Variants in TPO observed in about 807,000 individuals in gnomAD.
The protein encoded by TPO is thyroid peroxidase, also known as thyroid microsomal antigen.
A neutral mutation model predicts 96.9 loss-of-function variants in TPO; 78 were observed. The ratio of observed to expected loss-of-function variants is 0.81; its 90% CI spans 0.67 to 0.97. The LOEUF (loss-of-function observed/expected upper bound fraction) is 0.97. TPO is among the 50% of genes least tolerant of loss of function. TPO has a pLI of 0.00. For synonymous variants in TPO, 547 were observed against 538.0 expected (o/e 1.02, Z -0.23); for missense variants, 1,252 against 1,274.8 (o/e 0.98, Z 0.27).
At position 1,484,867 on chromosome 2, in the gene TPO, G is replaced by A. The variant is rs774356981; in HGVS notation, c.1597+13G>A. 29 of 1,613,174 alleles carry A rather than the reference G, an allele frequency of 1.8e-5. No homozygotes were observed. The highest frequency in any genetic ancestry group is 6.7e-5 in the East Asian group (3 of 44,892). On this transcript the variant is annotated intron_variant, in intron 9 of 16. Transcript: ENST00000329066. ...TTACTCCGTGGAGGTGAGTGAGTGC[G>A]GTCCCTGCAGCTGGTCCCCATGAAC... is the stretch of plus-strand genomic sequence containing the variant.
intron 15 of TPO, 75 bp from the exon 16 acceptor site, chr2:1,540,506 GCCTTGCCGTCGCT>G: frequency 1.2e-6 from 2 of 1,600,036 alleles, no homozygotes; most frequent in South Asian, 2.2e-5. Flanking sequence ...AAGCACGGCT[GCCTTGCCGTCGCT>G]CGTGCCGTGC....
intron 5 of TPO, 30 bp downstream of exon 5, chr2:1,436,414 C>T (rs1278645740): frequency 1.7e-5 from 27 of 1,613,912 alleles, no homozygotes; most frequent in Non-Finnish European, 1.9e-5. Flanking sequence ...TTAATCTTCT[C>T]GTGAAAGTTG....
At chr2:1,509,820 G>T (rs62107987) in intron 14 of TPO, among the ~76,000 whole-genome samples, 4,300 of 148,380 alleles carry the variant, frequency 0.029, 212 homozygotes, top group African/African-American at 0.1. Context: ...TTCAGGAACA[G>T]GACACCCTCT....
chr2:1,431,792 C>A (rs1187803509), intron 3 of TPO, among the ~76,000 whole-genome samples: 1 of 152,220 alleles, frequency 6.6e-6, no homozygotes, highest in African/African-American at 2.4e-5. Flanking sequence ...AAAATATAAA[C>A]AATGCATTTA....
chr2:1,387,137 C>G (rs1319498029), intron 1 of TPO, among the ~76,000 whole-genome samples: 3 of 152,126 alleles, frequency 2.0e-5, no homozygotes, highest in Non-Finnish European at 2.9e-5. Flanking sequence ...CTCTGGCTGC[C>G]CTTAACATTT....
intron 5 of TPO, among the ~76,000 whole-genome samples, chr2:1,450,769 CA>C (rs1326703079): frequency 2.0e-5 from 3 of 152,180 alleles, no homozygotes; most frequent in Non-Finnish European, 4.4e-5. Flanking sequence ...ACTGCTTAAG[CA>C]GTTAAATTAA....
At chr2:1,491,596 A>G (rs1012789331) in intron 10 of TPO, among the ~76,000 whole-genome samples, 1 of 152,228 alleles carries the variant, frequency 6.6e-6, no homozygotes, top group Non-Finnish European at 1.5e-5. Flanking sequence ...AAATAACTGC[A>G]TTCTTTTAGT....
intron 11 of TPO, among the ~76,000 whole-genome samples, chr2:1,494,965 A>AT (rs28991281): frequency 0.011 from 1,737 of 152,264 alleles, 31 homozygotes; most frequent in Admixed American, 0.048. Context: ...TGTCTCCCTT[A>AT]TAGCTGTGTC....
chr2:1,510,866 T>C (rs898710007), intron 14 of TPO, among the ~76,000 whole-genome samples: 1 of 152,148 alleles, frequency 6.6e-6, no homozygotes, highest in Admixed American at 6.5e-5. Context: ...AGTTTAGATA[T>C]AGGCACAGAT....
intron 15 of TPO, among the ~76,000 whole-genome samples, chr2:1,534,952 G>A (rs72629187): frequency 7.6e-4 from 3 of 3,932 alleles, no homozygotes; most frequent in Admixed American, 3.3e-3. Flanking sequence ...CAAATCCTCC[G>A]CCACTGTGAG....
At chr2:1,375,298 T>C (rs1661705860) in intron 1 of TPO, among the ~76,000 whole-genome samples, 1 of 152,040 alleles carries the variant, frequency 6.6e-6, no homozygotes. Flanking sequence ...AAAGGGAGGA[T>C]TTATTTTGGT....
chr2:1,454,285 T>G (rs554979630), intron 6 of TPO, among the ~76,000 whole-genome samples: 2 of 152,316 alleles, frequency 1.3e-5, no homozygotes, highest in Non-Finnish European at 2.9e-5. Context: ...TCATTTTGCC[T>G]GTAATTTAAC....
At chr2:1,522,262 TCA>T (rs936475589) in intron 15 of TPO, among the ~76,000 whole-genome samples, 2 of 72,276 alleles carry the variant, frequency 2.8e-5, no homozygotes, top group East Asian at 3.8e-4. Context: ...CACCGTGCCC[TCA>T]CAGTCTCTCT....
At chr2:1,525,779 G>A (rs116589420) in intron 15 of TPO, among the ~76,000 whole-genome samples, 1,753 of 121,202 alleles carry the variant, frequency 0.014, 47 homozygotes, top group African/African-American at 0.054. Context: ...ACTAAATCCC[G>A]CCACTGTGTG....
chr2:1,514,482 G>A (rs11888851), intron 14 of TPO, among the ~76,000 whole-genome samples: 8 of 152,044 alleles, frequency 5.3e-5, no homozygotes, highest in Admixed American at 1.3e-4. Flanking sequence ...ACCCGATGCC[G>A]TTTCTTTCCA....
In TPO at chr2:1,491,654, C is replaced by T. The variant is rs1194898597; in HGVS notation, c.1769-2148C>T. ...TGTGTCCCCCAAGCCCTGTGGCAAG[C>T]AATGGGCGTCTGTTTTCTATATAAA... is the stretch of plus-strand genomic sequence containing the variant. On this transcript the variant is annotated intron_variant, in intron 10 of 16. Coordinates refer to ENST00000329066, the MANE Select transcript of TPO (RefSeq NM_001206744.2). 2.6e-5 allele frequency among the ~76,000 whole-genome samples: 4 copies of T among 152,342 alleles called. No individual in the cohort carries two copies. In the South Asian group the frequency reaches 8.3e-4, roughly 32 times the overall value.
intron 16 of TPO, chr2:1,541,129 T>C: frequency 8.4e-7 from 1 of 1,187,090 alleles, no homozygotes; most frequent in East Asian, 5.8e-5. Flanking sequence ...TTTACCCCCT[T>C]ACCTTGTATG....
chr2:1,422,388 C>CTCTCCTGGACAGACCTCGTGCAGGT (rs1573110964), intron 2 of TPO, among the ~76,000 whole-genome samples: 1 of 152,032 alleles, frequency 6.6e-6, no homozygotes, highest in African/African-American at 2.4e-5. Flanking sequence ...GTGCAGGCGC[C>CTCTCCTGGACAGACCTCGTGCAGGT]GCGCTGGGCC....
intron 1 of TPO, among the ~76,000 whole-genome samples, chr2:1,404,044 G>A (rs1015214527): frequency 7.9e-5 from 12 of 152,192 alleles, no homozygotes; most frequent in African/African-American, 2.7e-4. Flanking sequence ...TGCATGGAGC[G>A]GAGAATCTAA....
Sources: allele counts gnomAD v4.1 joint callset (sites outside exome capture counted in the v4.1 genomes callset), GRCh38; gene constraint gnomAD v4.1.1; transcripts MANE v1.5; gene names NCBI Gene and HGNC (gene_info 2026-07-23, HGNC 2026-07-21).